The following CSGALNACT1 variants were observed in gnomAD, a reference collection of about 807,000 sequenced individuals.
CSGALNACT1 encodes the protein beta4GalNAcT-1.
Under a neutral mutation model 51.0 loss-of-function variants are expected in CSGALNACT1, and 52 were observed. The ratio of observed to expected loss-of-function variants is 1.02; its 90% CI spans 0.82 to 1.29. The LOEUF is 1.29. CSGALNACT1 is among the 50% of genes most tolerant of loss of function. The pLI, the probability that CSGALNACT1 is intolerant of heterozygous loss-of-function variation, is 0.00. For missense variants in CSGALNACT1, 935 were observed against 679.2 expected (o/e 1.38, Z -4.19); for synonymous variants, 341 against 254.4 (o/e 1.34, Z -3.24).
At chr8:19,660,483 G>C (rs967862297) in intron 1 of CSGALNACT1, among the ~76,000 whole-genome samples, 1 of 152,148 alleles carries the variant, frequency 6.6e-6, no homozygotes, top group African/African-American at 2.4e-5. Context: ...ACAGCCTCTA[G>C]AAGATTATCA....
intron 5 of CSGALNACT1, chr8:19,457,514 G>C (rs960813629): frequency 1.6e-5 from 7 of 439,158 alleles, no homozygotes; most frequent in Non-Finnish European, 2.5e-5. Flanking sequence ...TTGGGAAGCT[G>C]AGGCAGGAGA....
chr8:19,459,580 T>G (rs1012971694), intron 4 of CSGALNACT1, among the ~76,000 whole-genome samples: 2 of 152,062 alleles, frequency 1.3e-5, no homozygotes, highest in African/African-American at 4.8e-5. Context: ...ATATTTAGTT[T>G]CATATCTTCC....
chr8:19,459,713 A>C (rs2064962881), intron 4 of CSGALNACT1, among the ~76,000 whole-genome samples: 1 of 152,134 alleles, frequency 6.6e-6, no homozygotes, highest in Non-Finnish European at 1.5e-5. Context: ...CCTGTGCCTC[A>C]TTTTCCCCAA....
At chr8:19,472,721 G>C (rs183026624) in intron 4 of CSGALNACT1, among the ~76,000 whole-genome samples, 1 of 152,176 alleles carries the variant, frequency 6.6e-6, no homozygotes, top group African/African-American at 2.4e-5. Context: ...ACTGACTTGA[G>C]AATAGAAAAA....
At chr8:19,630,194 CTGTGTGTGTGTGTGTGTGTG>C (rs55947851) in intron 1 of CSGALNACT1, among the ~76,000 whole-genome samples, 161 of 137,888 alleles carry the variant, frequency 1.2e-3, no homozygotes, top group African/African-American at 3.7e-3. Context: ...TCCCACGTCT[CTGTGTGTGTGTGTGTGTGTG>C]TGTGTGTGTG....
At chr8:19,731,067 C>A (rs980609733) in intron 1 of CSGALNACT1, among the ~76,000 whole-genome samples, 1 of 152,162 alleles carries the variant, frequency 6.6e-6, no homozygotes, top group Non-Finnish European at 1.5e-5. Flanking sequence ...GAAAAGGAAT[C>A]ATGAGCCTAA....
intron 3 of CSGALNACT1, among the ~76,000 whole-genome samples, chr8:19,557,120 T>C (rs996234471): frequency 2.0e-5 from 3 of 152,170 alleles, no homozygotes. Context: ...TGCCTGGAAT[T>C]TCCCTTGCAC....
chr8:19,500,338 G>A (rs1172973430), intron 4 of CSGALNACT1, among the ~76,000 whole-genome samples: 2 of 152,080 alleles, frequency 1.3e-5, no homozygotes, highest in Admixed American at 6.5e-5. Flanking sequence ...GTACAAGTGT[G>A]ACCCACCACT....
chr8:19,756,909 G>C (rs1341203336), intron 1 of CSGALNACT1, among the ~76,000 whole-genome samples: 1 of 151,780 alleles, frequency 6.6e-6, no homozygotes, highest in Non-Finnish European at 1.5e-5. Context: ...ACCCTCCCTG[G>C]AAGCTCCCTC....
intron 3 of CSGALNACT1, among the ~76,000 whole-genome samples, chr8:19,516,300 C>A (rs528139807): frequency 8.2e-4 from 125 of 152,304 alleles, no homozygotes; most frequent in African/African-American, 2.9e-3. Flanking sequence ...AGATGTTCAG[C>A]TGGCAAGTAG....
At position 19,717,326 on chromosome 8, in the gene CSGALNACT1, C is replaced by T. The variant is rs187386168; in HGVS notation, c.-297+40524G>A. Among the ~76,000 whole-genome samples, 33 of 152,286 alleles carry T rather than the reference C, an allele frequency of 2.2e-4. 1 individual carries two copies. In the Middle Eastern group the frequency reaches 0.014, roughly 63 times the overall value. ...AGTTCCTTTGTCACCACTGACATAG[C>T]CTATGTAGCTGTGAACTATTACTTT... is the stretch of plus-strand genomic sequence containing the variant. On this transcript the variant is annotated intron_variant, in intron 1 of 1. Transcript: ENST00000517494.
At chr8:19,718,102 C>G (rs1158407934) in intron 1 of CSGALNACT1, among the ~76,000 whole-genome samples, 2 of 152,006 alleles carry the variant, frequency 1.3e-5, no homozygotes, top group South Asian at 2.1e-4. Flanking sequence ...CATAACAGGC[C>G]TTCTTTTTGA....
chr8:19,729,111 A>C (rs2063554245), intron 1 of CSGALNACT1, among the ~76,000 whole-genome samples: 1 of 151,824 alleles, frequency 6.6e-6, no homozygotes, highest in Admixed American at 6.6e-5. Flanking sequence ...AATGTGACCT[A>C]CTAGATACAA....
intron 1 of CSGALNACT1, among the ~76,000 whole-genome samples, chr8:19,679,012 T>C (rs2060398725): frequency 6.6e-6 from 1 of 152,250 alleles, no homozygotes; most frequent in Non-Finnish European, 1.5e-5. Context: ...TCATTATCCC[T>C]ATTCTATGAA....
chr8:19,438,953 T>C (rs1028541913), intron 6 of CSGALNACT1, among the ~76,000 whole-genome samples: 4 of 152,210 alleles, frequency 2.6e-5, no homozygotes, highest in Non-Finnish European at 5.9e-5. Context: ...CAGAGGACAC[T>C]GTTTATATCT....
At chr8:19,589,617 C>T (rs1206638464) in intron 3 of CSGALNACT1, among the ~76,000 whole-genome samples, 1 of 152,160 alleles carries the variant, frequency 6.6e-6, no homozygotes, top group African/African-American at 2.4e-5. Context: ...AGGTGTTAGC[C>T]ACCGTGCACA....
chr8:19,711,683 G>A (rs1385106590), intron 1 of CSGALNACT1, among the ~76,000 whole-genome samples: 1 of 152,166 alleles, frequency 6.6e-6, no homozygotes, highest in Non-Finnish European at 1.5e-5. Flanking sequence ...AGCTGAAGAA[G>A]GGAATCTCAA....
At chr8:19,608,769 T>G (rs2051763582) in intron 1 of CSGALNACT1, among the ~76,000 whole-genome samples, 1 of 152,216 alleles carries the variant, frequency 6.6e-6, no homozygotes, top group African/African-American at 2.4e-5. Flanking sequence ...GCTTGATCTA[T>G]AGTAGTCATA....
intron 8 of CSGALNACT1, among the ~76,000 whole-genome samples, chr8:19,413,205 G>T (rs1315655195): frequency 6.6e-6 from 1 of 152,102 alleles, no homozygotes; most frequent in Non-Finnish European, 1.5e-5. Flanking sequence ...AGTCATCCAG[G>T]TTCTGCCATT....
Sources: gnomAD v4.1 joint callset for allele counts (sites outside exome capture counted in the v4.1 genomes callset) on GRCh38, gnomAD v4.1.1 for gene constraint, MANE v1.5 for transcripts, NCBI Gene and HGNC (gene_info 2026-07-23, HGNC 2026-07-21) for gene names.